CDH4: variants seen among roughly 807,000 people sequenced by gnomAD.
The protein encoded by CDH4 is cadherin-4.
CDH4 carries 33 observed loss-of-function variants against 86.0 expected under a neutral mutation model. That is an observed-to-expected ratio of 0.38 (90% CI 0.29 to 0.51). The LOEUF is 0.51. CDH4 is among the 20% of genes least tolerant of loss of function. CDH4 has a pLI of 0.86. For synonymous variants in CDH4, 555 were observed against 549.4 expected (o/e 1.01, Z -0.14); for missense variants, 1,114 against 1,307.4 (o/e 0.85, Z 2.28).
chr20:61,919,975 G>A (rs373531602), intron 9 of CDH4, among the ~76,000 whole-genome samples: 6 of 147,760 alleles, frequency 4.1e-5, no homozygotes, highest in South Asian at 2.2e-4. Context: ...TGGAAGCGTG[G>A]TATCGCGGTG....
intron 2 of CDH4, among the ~76,000 whole-genome samples, chr20:61,515,921 T>TC (rs1021571370): frequency 1.8e-4 from 27 of 151,956 alleles, no homozygotes; most frequent in Admixed American, 1.1e-3. Context: ...CTGGAGTCTA[T>TC]CCCCCCCATC....
At chr20:61,267,000 G>A (rs989723690) in intron 2 of CDH4, among the ~76,000 whole-genome samples, 4 of 152,134 alleles carry the variant, frequency 2.6e-5, no homozygotes, top group Non-Finnish European at 4.4e-5. Context: ...GGGAGGCCCC[G>A]TGAAGTCACA....
intron 2 of CDH4, among the ~76,000 whole-genome samples, chr20:61,693,263 G>A (rs908276390): frequency 2.0e-5 from 3 of 150,640 alleles, no homozygotes; most frequent in African/African-American, 4.9e-5. Context: ...GGCCACGTCG[G>A]GCCTGTTCCT....
At position 61,565,211 on chromosome 20, in the gene CDH4, C is replaced by G. The variant is rs1271163849; in HGVS notation, c.170-178352C>G. On this transcript the variant is annotated intron_variant, in intron 2 of 15. Coordinates refer to ENST00000614565, the MANE Select transcript of CDH4 (RefSeq NM_001794.5). ...GGTCCTCTTGGTGGTGGTCGCGGTG[C>G]TCTCGGTGGTAGGTGGTGGTGGTGG... 2.1e-4 allele frequency among the ~76,000 whole-genome samples: 4 copies of G among 18,630 alleles called. 1 individual carries two copies. Among genetic ancestry groups the G allele is most frequent in the African/African-American group, 1.1e-3 (3 of 2,692 alleles). The allele number at this position is 18,630 out of a possible 152,430, so 12.2% of individuals were successfully genotyped here. A position where few individuals can be genotyped will look rare whatever the true frequency, so the allele number is the denominator to read the frequency against.
chr20:61,316,944 C>T (rs6065089), intron 2 of CDH4, among the ~76,000 whole-genome samples: 22,190 of 151,840 alleles, frequency 0.15, 1,712 homozygotes, highest in Non-Finnish European at 0.16. Flanking sequence ...TGTACCTGAA[C>T]GTCTGGCAGC....
chr20:61,793,477 G>C (rs549847239), intron 4 of CDH4, among the ~76,000 whole-genome samples: 2 of 152,112 alleles, frequency 1.3e-5, no homozygotes, highest in Admixed American at 1.3e-4. Context: ...GAGAAACATC[G>C]CTCTGGGACC....
At chr20:61,402,089 T>G (rs1892323) in intron 2 of CDH4, among the ~76,000 whole-genome samples, 76,100 of 151,652 alleles carry the variant, frequency 0.5, 20,079 homozygotes, top group African/African-American at 0.67. Flanking sequence ...GAATGGATTT[T>G]TATAATAATG....
chr20:61,447,164 T>G (rs142508098), intron 2 of CDH4, among the ~76,000 whole-genome samples: 1 of 152,272 alleles, frequency 6.6e-6, no homozygotes, highest in African/African-American at 2.4e-5. Flanking sequence ...TTTGTTTGCT[T>G]GTTTGTTTTT....
chr20:61,786,189 A>G (rs940943929), intron 4 of CDH4, among the ~76,000 whole-genome samples: 3 of 152,096 alleles, frequency 2.0e-5, no homozygotes, highest in African/African-American at 7.2e-5. Context: ...TTCCGCAGCA[A>G]AACAGCGTGG....
chr20:61,321,676 C>T (rs578124606), intron 2 of CDH4, among the ~76,000 whole-genome samples: 1 of 152,254 alleles, frequency 6.6e-6, no homozygotes, highest in East Asian at 1.9e-4. Context: ...GATGGCAGAG[C>T]CGCCTCCCTG....
intron 6 of CDH4, among the ~76,000 whole-genome samples, chr20:61,861,344 T>C (rs1356969098): frequency 6.6e-6 from 1 of 151,932 alleles, no homozygotes; most frequent in Non-Finnish European, 1.5e-5. Flanking sequence ...ACAAATCAGC[T>C]CACTAAATGC....
intron 2 of CDH4, among the ~76,000 whole-genome samples, chr20:61,528,128 C>T (rs1436430631): frequency 6.6e-6 from 1 of 151,870 alleles, no homozygotes; most frequent in South Asian, 2.1e-4. Flanking sequence ...GTAATCCCAG[C>T]ACTTTGGGAG....
rs534053823 is a variant in CDH4, at chr20:61,621,291, C to A, written c.170-122272C>A. The stretch of plus-strand genomic sequence containing the variant: ...GCTTCCTAGAACGCGCTGTCAAGAT[C>A]TGTTTGACATTCTGTAACTCTTTCT... On this transcript the variant is annotated intron_variant, in intron 2 of 15. Transcript: ENST00000614565. Among the ~76,000 whole-genome samples, 3 of 152,328 alleles carry A rather than the reference C, an allele frequency of 2.0e-5. No individual in the cohort carries two copies. The South Asian group carries it at 6.2e-4, about 32-fold the overall frequency.
In CDH4 at chr20:61,937,321, C is replaced by G. The variant is rs1370717896; in HGVS notation, c.*378C>G. 1 of 160,684 alleles carries G rather than the reference C, an allele frequency of 6.2e-6. No homozygotes were observed. The highest frequency in any genetic ancestry group is 2.4e-5 in the African/African-American group (1 of 41,076). 10.0% of individuals were successfully genotyped at this position (160,684 alleles called of 1,614,324 possible). A position where few individuals can be genotyped will look rare whatever the true frequency, so the allele number is the denominator to read the frequency against. On this transcript the variant is annotated 3_prime_UTR_variant, in exon 16 of 16. Coordinates refer to ENST00000614565, the MANE Select transcript of CDH4 (RefSeq NM_001794.5). ...CCCTCAAACTCAGGAGTGTCTAAAG[C>G]AGACAGACCGTCCCCACCTTCCCAT...
chr20:61,880,343 CCT>C (rs1173488357), intron 7 of CDH4, among the ~76,000 whole-genome samples: 1 of 152,114 alleles, frequency 6.6e-6, no homozygotes, highest in Non-Finnish European at 1.5e-5. Context: ...GTCATGGAAC[CCT>C]GTTTTGAAGA....
chr20:61,329,896 A>T (rs796472729), intron 2 of CDH4, among the ~76,000 whole-genome samples: 1 of 141,538 alleles, frequency 7.1e-6, no homozygotes, highest in African/African-American at 2.7e-5. Context: ...CCTCCCTGTG[A>T]GTCATTATTC....
At chr20:61,757,467 TTCA>T (rs2088579658) in intron 3 of CDH4, among the ~76,000 whole-genome samples, 1 of 152,210 alleles carries the variant, frequency 6.6e-6, no homozygotes, top group Admixed American at 6.5e-5. Context: ...GGGCCAGCCC[TTCA>T]CTTGTAAATA....
intron 2 of CDH4, among the ~76,000 whole-genome samples, chr20:61,337,776 T>C (rs1161030369): frequency 6.6e-6 from 1 of 152,146 alleles, no homozygotes; most frequent in African/African-American, 2.4e-5. Context: ...GTTTCTCCTT[T>C]AGTATGTGTG....
chr20:61,637,818 C>T (rs1057323825), intron 2 of CDH4, among the ~76,000 whole-genome samples: 1 of 151,924 alleles, frequency 6.6e-6, no homozygotes, highest in Admixed American at 6.6e-5. Context: ...GTCAGGAGTT[C>T]GAGACCAGCT....
Sources: gnomAD v4.1 joint callset for allele counts (sites outside exome capture counted in the v4.1 genomes callset) on GRCh38, gnomAD v4.1.1 for gene constraint, MANE v1.5 for transcripts, NCBI Gene and HGNC (gene_info 2026-07-23, HGNC 2026-07-21) for gene names.